ADGRG5: variants seen among roughly 807,000 people sequenced by gnomAD.
ADGRG5 encodes the protein G protein-coupled receptor 114.
Under a neutral mutation model 53.2 loss-of-function variants are expected in ADGRG5, and 37 were observed. That is an observed-to-expected ratio of 0.70 (90% confidence interval 0.53 to 0.91). ADGRG5 has a LOEUF of 0.91. ADGRG5 is among the 40% of genes least tolerant of loss of function. The probability of loss-of-function intolerance (pLI) is 0.00; values close to 1 mark genes in which losing one functional copy is unlikely to be tolerated. For missense variants in ADGRG5, 614 were observed against 675.8 expected (o/e 0.91, Z 1.01); for synonymous variants, 277 against 290.4 (o/e 0.95, Z 0.47).
At chr16:57,562,272 G>T in intron 2 of ADGRG5, 112 bp from the exon 3 acceptor site, 1 of 1,402,142 alleles carries the variant, frequency 7.1e-7, no homozygotes, top group Non-Finnish European at 9.9e-7. Context: ...GCTTCCTGGG[G>T]GCAGCAGGAG....
At chr16:57,529,680 T>C in the ADGRG5 span, among the ~76,000 whole-genome samples, 1 of 152,140 alleles carries the variant, frequency 6.6e-6, no homozygotes, top group Non-Finnish European at 1.5e-5. This position sits in a 1 kb window ranked among gnomAD's most constrained non-coding sequence, Gnocchi z 4.1. Context: ...TCCCTGCCTT[T>C]TCCTGCACTG....
chr16:57,552,929 C>G (rs7190844), intron 1 of ADGRG5, among the ~76,000 whole-genome samples: 12,496 of 152,006 alleles, frequency 0.082, 1,507 homozygotes, highest in African/African-American at 0.26. Flanking sequence ...ATTGTTGTGT[C>G]CTAGAGAATA....
chr16:57,534,577 G>C, the ADGRG5 span, among the ~76,000 whole-genome samples: 1 of 152,138 alleles, frequency 6.6e-6, no homozygotes, highest in African/African-American at 2.4e-5. Context: ...AGGCACCTCC[G>C]TGTTCTACAG....
the ADGRG5 span, chr16:57,529,442 C>T: frequency 4.7e-6 from 1 of 211,264 alleles, no homozygotes; most frequent in Non-Finnish European, 8.9e-6. The surrounding 1 kb of genome is among the most constrained non-coding windows in gnomAD (Gnocchi z 4.1). Context: ...AGTTCTGTTC[C>T]AGGAGAGTCC....
chr16:57,570,391 C>T (rs777124549), intron 9 of ADGRG5, 27 bp from the exon 10 acceptor site: 75 of 1,508,648 alleles, frequency 5.0e-5, no homozygotes, highest in Non-Finnish European at 6.2e-5. Flanking sequence ...TCTCCCACAT[C>T]TCCTGAGCCT....
rs776404797 is a variant in ADGRG5, at chr16:57,563,071, G to C, written c.141-20G>C. 5 of 1,613,686 alleles carry C rather than the reference G, an allele frequency of 3.1e-6. No homozygotes were observed. Among genetic ancestry groups the C allele is most frequent in the Non-Finnish European group, 3.4e-6 (4 of 1,179,954 alleles). On this transcript the variant is annotated intron_variant, in intron 3 of 11. Coordinates refer to ENST00000349457, the MANE Select transcript of ADGRG5 (RefSeq NM_001304376.3). ...CCCACTCCGGGCTCTGGCCTCCCTG[G>C]CCATCTCTCTGGGCTGCAGTCAACT...
intron 10 of ADGRG5, among the ~76,000 whole-genome samples, chr16:57,572,430 G>A (rs190552632): frequency 3.3e-5 from 5 of 152,214 alleles, no homozygotes; most frequent in Non-Finnish European, 5.9e-5. Context: ...AGCTGAGATC[G>A]CCACTGCACT....
intron 1 of ADGRG5, among the ~76,000 whole-genome samples, chr16:57,551,193 G>C (rs1355661863): frequency 1.3e-5 from 2 of 152,148 alleles, no homozygotes; most frequent in East Asian, 3.9e-4. Flanking sequence ...TTTGCTGGTG[G>C]AAAGTCTTGC....
rs2033535944 is a variant in ADGRG5, at chr16:57,577,074, C to T, written c.*1536C>T. The T allele has an allele frequency of 1.3e-5, 2 of 152,236 alleles. No homozygotes were observed. Among genetic ancestry groups the T allele is most frequent in the Admixed American group, 6.5e-5 (1 of 15,282 alleles). 9.4% of individuals were successfully genotyped at this position (152,236 alleles called of 1,614,324 possible). On this transcript the variant is annotated 3_prime_UTR_variant, in exon 12 of 12. Transcript: ENST00000349457. ...TGAGACTGTGGACAAACCACTCAGC[C>T]TCTGTGTGCCTCAGTTTTCCTATTT... is the stretch of plus-strand genomic sequence containing the variant.
the ADGRG5 span, among the ~76,000 whole-genome samples, chr16:57,534,280 C>T: frequency 6.6e-6 from 1 of 152,198 alleles, no homozygotes; most frequent in Non-Finnish European, 1.5e-5. Context: ...CCACTTAGAG[C>T]TTCCATCAGG....
chr16:57,533,655 G>A, the ADGRG5 span, among the ~76,000 whole-genome samples: 2 of 142,466 alleles, frequency 1.4e-5, no homozygotes, highest in Non-Finnish European at 3.0e-5. Flanking sequence ...CTCACACATG[G>A]CCCGAGGGAC....
At chr16:57,541,775 C>G (rs2032494804), upstream of ADGRG5, among the ~76,000 whole-genome samples, 1 of 152,084 alleles carries the variant, frequency 6.6e-6, no homozygotes, top group Admixed American at 6.6e-5. Flanking sequence ...TACCAACACT[C>G]TCTCTCTATC....
At chr16:57,563,507 G>A (rs1297084463) in intron 4 of ADGRG5, among the ~76,000 whole-genome samples, 1 of 152,240 alleles carries the variant, frequency 6.6e-6, no homozygotes. Context: ...TGCCCGCTGC[G>A]GGAGGCGCTG....
At chr16:57,529,436 C>A in the ADGRG5 span, 1 of 225,144 alleles carries the variant, frequency 4.4e-6, no homozygotes, top group Admixed American at 6.1e-5. The surrounding 1 kb of genome is among the most constrained non-coding windows in gnomAD (Gnocchi z 4.1). Context: ...GGAGAGAGTT[C>A]TGTTCCAGGA....
upstream of ADGRG5, among the ~76,000 whole-genome samples, chr16:57,541,772 ACT>A (rs1491507852): frequency 3.4e-4 from 51 of 151,510 alleles, no homozygotes; most frequent in Admixed American, 2.7e-3. Context: ...CATTACCAAC[ACT>A]CTCTCTCTAT....
intron 10 of ADGRG5, among the ~76,000 whole-genome samples, chr16:57,570,873 G>A (rs2033334528): frequency 6.6e-6 from 1 of 152,112 alleles, no homozygotes; most frequent in Non-Finnish European, 1.5e-5. Context: ...ACTTGACTCT[G>A]TTCCCCTGCA....
the ADGRG5 span, among the ~76,000 whole-genome samples, chr16:57,533,754 A>G: frequency 3.4e-4 from 51 of 151,734 alleles, 1 homozygote; most frequent in East Asian, 3.9e-4. Context: ...AGTAACGTGC[A>G]CACTCACACA....
In ADGRG5 at chr16:57,574,179, G is replaced by A. The variant is rs1385368309; in HGVS notation, c.1209-636G>A. On this transcript the variant is annotated intron_variant, in intron 10 of 11. Coordinates refer to ENST00000349457, the MANE Select transcript of ADGRG5 (RefSeq NM_001304376.3). The surrounding 1 kb of genome is among the most constrained non-coding windows in gnomAD (Gnocchi z 4.4). ...GAGGCCTCCGGGAGGGCGTGGGACC[G>A]GGGCTGGCTTCGGTTAGTTCTCCAT... 3.9e-5 allele frequency among the ~76,000 whole-genome samples: 6 copies of A among 152,206 alleles called. No homozygotes were observed. Among genetic ancestry groups the A allele is most frequent in the African/African-American group, 7.2e-5 (3 of 41,456 alleles).
chr16:57,560,238 G>T (rs1404973721), intron 1 of ADGRG5, among the ~76,000 whole-genome samples: 2 of 152,162 alleles, frequency 1.3e-5, no homozygotes, highest in Non-Finnish European at 2.9e-5. Flanking sequence ...CCCATGGTAG[G>T]ATACAGGGTT....
Sources: gnomAD v4.1 joint callset for allele counts (sites outside exome capture counted in the v4.1 genomes callset) on GRCh38, gnomAD v4.1.1 for gene constraint, Gnocchi (gnomAD v3.1) non-coding constraint, MANE v1.5 for transcripts, NCBI Gene and HGNC (gene_info 2026-07-23, HGNC 2026-07-21) for gene names.